SPAG16: variants seen among roughly 807,000 people sequenced by gnomAD.
SPAG16 encodes the protein sperm associated antigen 16.
SPAG16 carries 86 observed loss-of-function variants against 80.4 expected under a neutral mutation model. The observed-to-expected ratio is 1.07, with a 90% CI of 0.90 to 1.28. The LOEUF (loss-of-function observed/expected upper bound fraction) is 1.28. Among genes scored for constraint, SPAG16 ranks in the 50% most tolerant of loss-of-function variants. The pLI, the probability that SPAG16 is intolerant of heterozygous loss-of-function variation, is 0.00. For synonymous variants in SPAG16, 294 were observed against 265.9 expected (o/e 1.11, Z -1.03); for missense variants, 870 against 765.3 (o/e 1.14, Z -1.61).
At chr2:214,181,987 A>G (rs2057322616) in intron 15 of SPAG16, among the ~76,000 whole-genome samples, 1 of 151,838 alleles carries the variant, frequency 6.6e-6, no homozygotes, top group Admixed American at 6.6e-5. Flanking sequence ...AAACTCATTG[A>G]GAACAGAAAA....
intron 15 of SPAG16, among the ~76,000 whole-genome samples, chr2:214,368,080 T>C (rs1055118521): frequency 3.3e-5 from 5 of 152,184 alleles, no homozygotes; most frequent in Admixed American, 2.6e-4. Context: ...GCTTGAACTT[T>C]CTATGAAGTC....
intron 9 of SPAG16, among the ~76,000 whole-genome samples, chr2:213,456,206 C>G (rs1452451330): frequency 1.3e-5 from 2 of 152,106 alleles, no homozygotes; most frequent in Admixed American, 6.5e-5. Context: ...GCTAGCTGTG[C>G]TTTTAGAAGA....
At chr2:213,996,337 AT>A (rs1472448599) in intron 12 of SPAG16, among the ~76,000 whole-genome samples, 1 of 152,200 alleles carries the variant, frequency 6.6e-6, no homozygotes, top group Non-Finnish European at 1.5e-5. Context: ...TGCATTATGC[AT>A]GTAACTATTT....
intron 10 of SPAG16, among the ~76,000 whole-genome samples, chr2:213,499,008 A>G (rs1300627228): frequency 2.0e-5 from 3 of 152,084 alleles, no homozygotes; most frequent in Non-Finnish European, 2.9e-5. Context: ...TAGAGATCCA[A>G]TATCTTATTT....
chr2:213,579,385 C>T (rs867088145), intron 10 of SPAG16, among the ~76,000 whole-genome samples: 1 of 152,120 alleles, frequency 6.6e-6, no homozygotes, highest in African/African-American at 2.4e-5. Flanking sequence ...TAGCAAGAAA[C>T]TTTCTCTCCT....
chr2:213,979,387 A>G (rs2045580171), intron 12 of SPAG16, among the ~76,000 whole-genome samples: 2 of 152,044 alleles, frequency 1.3e-5, no homozygotes, highest in African/African-American at 4.8e-5. Context: ...TCCTTTTCCT[A>G]CTGCTATAAA....
At chr2:214,338,608 T>C (rs1264450616) in intron 15 of SPAG16, among the ~76,000 whole-genome samples, 1 of 152,224 alleles carries the variant, frequency 6.6e-6, no homozygotes, top group Non-Finnish European at 1.5e-5. Flanking sequence ...TCTCTTCTGT[T>C]GATTCTCTCT....
chr2:214,096,126 CA>C (rs777271229), intron 13 of SPAG16, among the ~76,000 whole-genome samples: 2 of 151,876 alleles, frequency 1.3e-5, no homozygotes, highest in Non-Finnish European at 2.9e-5. Flanking sequence ...TTTGGCTTAT[CA>C]GGGGCAAGTG....
At position 213,599,179 on chromosome 2, in the gene SPAG16, G is replaced by A. The variant is rs116062135; in HGVS notation, c.1070+109089G>A. ...TTGTAATAATCTAAAAACACAAATAGCCTAATGATTACAGAGTGAAGAAGA... is the reference window on the plus strand; with the variant it reads ...TTGTAATAATCTAAAAACACAAATAACCTAATGATTACAGAGTGAAGAAGA... On this transcript the variant is annotated intron_variant, in intron 10 of 15. Transcript: ENST00000331683. Among the ~76,000 whole-genome samples, 304 of 152,220 alleles carry A rather than the reference G, an allele frequency of 2.0e-3. 2 individuals carry two copies. Among genetic ancestry groups the A allele is most frequent in the African/African-American group, 7.1e-3 (296 of 41,534 alleles).
chr2:214,133,191 A>G (rs2054874744), intron 14 of SPAG16, among the ~76,000 whole-genome samples: 1 of 151,854 alleles, frequency 6.6e-6, no homozygotes, highest in African/African-American at 2.4e-5. Flanking sequence ...ATGGACTGGT[A>G]ATTCCCTGTT....
chr2:213,295,824 A>G (rs2062473440), intron 1 of SPAG16, among the ~76,000 whole-genome samples: 1 of 152,192 alleles, frequency 6.6e-6, no homozygotes, highest in Non-Finnish European at 1.5e-5. Flanking sequence ...GTCAAAAGAC[A>G]GATAGCAATG....
intron 10 of SPAG16, among the ~76,000 whole-genome samples, chr2:213,548,133 G>A (rs1186447211): frequency 6.6e-6 from 1 of 152,114 alleles, no homozygotes; most frequent in Non-Finnish European, 1.5e-5. Context: ...TATTAATATT[G>A]CCAGATTTCC....
chr2:213,867,371 G>A (rs1280929365), intron 11 of SPAG16, among the ~76,000 whole-genome samples: 6 of 152,326 alleles, frequency 3.9e-5, no homozygotes, highest in Non-Finnish European at 2.9e-5. Context: ...TTGCCAAAAA[G>A]TGGGAGCATA....
At position 213,961,163 on chromosome 2, in the gene SPAG16, G is replaced by A. The variant is rs75551875; in HGVS notation, c.1400+31018G>A. Among the ~76,000 whole-genome samples the A allele has an allele frequency of 2.0e-5, 3 of 152,272 alleles. No individual in the cohort carries two copies. In the East Asian group the frequency reaches 5.8e-4, roughly 29 times the overall value. ...AGATTCTTCTAGTGCGATTACAATT[G>A]TTGTTTAGGTGGGAAGAAAGATTCC... On this transcript the variant is annotated intron_variant, in intron 12 of 15. Coordinates refer to ENST00000331683, the MANE Select transcript of SPAG16 (RefSeq NM_024532.5).
intron 10 of SPAG16, among the ~76,000 whole-genome samples, chr2:213,518,759 GAC>G (rs750253290): frequency 1.4e-4 from 21 of 152,272 alleles, no homozygotes; most frequent in Non-Finnish European, 2.4e-4. Flanking sequence ...AAACCAAAAA[GAC>G]ACATGCATTT....
Position 213,824,554 on chromosome 2 carries a change from A to C in SPAG16, c.1071-37931A>C, listed in dbSNP as rs562577937. ...GTTTTCAAAAATGAGTTCACTGTAG[A>C]TATATGTATTTGTTTCTGCATTCTC... On this transcript the variant is annotated intron_variant, in intron 10 of 15. Coordinates refer to ENST00000331683, the MANE Select transcript of SPAG16 (RefSeq NM_024532.5). Among the ~76,000 whole-genome samples, 14 of 152,168 alleles carry C rather than the reference A, an allele frequency of 9.2e-5. 2 individuals are homozygous for C. The highest frequency in any genetic ancestry group is 3.4e-4 in the African/African-American group (14 of 41,520).
chr2:213,609,994 G>T (rs1311042640), intron 10 of SPAG16, among the ~76,000 whole-genome samples: 2 of 151,858 alleles, frequency 1.3e-5, no homozygotes, highest in Non-Finnish European at 2.9e-5. Context: ...GTTGGCTAAG[G>T]CTCCTGGCTG....
chr2:213,719,483 G>A (rs2066412536), intron 10 of SPAG16, among the ~76,000 whole-genome samples: 2 of 152,006 alleles, frequency 1.3e-5, no homozygotes, highest in Non-Finnish European at 2.9e-5. Flanking sequence ...ATCTAGCTCA[G>A]GGATTGTAAA....
intron 13 of SPAG16, among the ~76,000 whole-genome samples, chr2:214,060,241 T>G (rs914748343): frequency 1.3e-5 from 2 of 152,178 alleles, no homozygotes; most frequent in Admixed American, 1.3e-4. Context: ...CCAGCTTGCA[T>G]GCACCATATT....
Sources: gnomAD v4.1 joint callset for allele counts (sites outside exome capture counted in the v4.1 genomes callset) on GRCh38, gnomAD v4.1.1 for gene constraint, MANE v1.5 for transcripts, NCBI Gene and HGNC (gene_info 2026-07-23, HGNC 2026-07-21) for gene names.